DNAL1: variants seen among roughly 807,000 people sequenced by gnomAD.
The protein encoded by DNAL1 is dynein axonemal light chain 1, also known as chromosome 14 open reading frame 168.
In DNAL1, 17 loss-of-function variants were observed where a neutral mutation model predicts 29.4. The observed-to-expected ratio is 0.58, with a 90% CI of 0.40 to 0.87. The LOEUF is 0.87. Ranked by LOEUF, DNAL1 falls within the 40% of genes least tolerant of loss-of-function variation. The pLI is 0.00. For missense variants in DNAL1, 188 were observed against 214.1 expected (o/e 0.88, Z 0.76); for synonymous variants, 78 against 76.3 (o/e 1.02, Z -0.12).
chr14:73,696,077 CT>C lies in DNAL1; in HGVS notation c.*144del, dbSNP rs142835284. 242 of 792,256 alleles carry C rather than the reference CT, an allele frequency of 3.1e-4. No individual in the cohort carries two copies. Among genetic ancestry groups the C allele is most frequent in the Middle Eastern group, 3.9e-4 (1 of 2,562 alleles). 49.1% of individuals were successfully genotyped at this position (792,256 alleles called of 1,614,324 possible). On this transcript the variant is annotated 3_prime_UTR_variant, in exon 8 of 8. Transcript: ENST00000553645. ...GATAAAACAGATCACTCATTCTCAT[CT>C]TTTTTTTTCCTTTAACTTATTCAGT...
At chr14:73,679,506 A>G (rs1212769394) in intron 5 of DNAL1, among the ~76,000 whole-genome samples, 1 of 152,194 alleles carries the variant, frequency 6.6e-6, no homozygotes, top group Non-Finnish European at 1.5e-5. Flanking sequence ...AAAGAAGCTA[A>G]TGAAGTAGAG....
intron 5 of DNAL1, among the ~76,000 whole-genome samples, chr14:73,677,269 C>T (rs2140047950): frequency 6.6e-6 from 1 of 151,960 alleles, no homozygotes; most frequent in East Asian, 1.9e-4. Flanking sequence ...CGCGCCCAGC[C>T]AGTAGTATTC....
At chr14:73,672,662 A>G (rs1891644061) in intron 5 of DNAL1, among the ~76,000 whole-genome samples, 1 of 151,792 alleles carries the variant, frequency 6.6e-6, no homozygotes, top group African/African-American at 2.4e-5. Flanking sequence ...GATTAAATAA[A>G]GGAAGTTTCC....
chr14:73,699,690 T>C lies in DNAL1; in HGVS notation c.*3748T>C, dbSNP rs1300147750. 6.6e-6 allele frequency: 1 copy of C among 152,206 alleles called. No individual in the cohort carries two copies. Among genetic ancestry groups the C allele is most frequent in the Non-Finnish European group, 1.5e-5 (1 of 68,036 alleles). 9.4% of individuals were successfully genotyped at this position (152,206 alleles called of 1,614,324 possible). On this transcript the variant is annotated 3_prime_UTR_variant, in exon 8 of 8. Transcript: ENST00000553645. ...CTCTTTTTTGAAGCAGGGTCTCAAC[T>C]TTTATTTCTAAGCATTCTTGCTTAT...
At chr14:73,695,036 G>A (rs1275913220) in intron 7 of DNAL1, among the ~76,000 whole-genome samples, 1 of 134,320 alleles carries the variant, frequency 7.4e-6, no homozygotes, top group African/African-American at 2.7e-5. Flanking sequence ...TTTTCTACTT[G>A]GTACTTGTTG....
chr14:73,685,331 T>C (rs1265574330), intron 5 of DNAL1, among the ~76,000 whole-genome samples: 2 of 152,206 alleles, frequency 1.3e-5, no homozygotes, highest in Non-Finnish European at 2.9e-5. Flanking sequence ...CGAATTTAAC[T>C]ACTCTAGGTA....
intron 5 of DNAL1, among the ~76,000 whole-genome samples, chr14:73,674,401 C>A (rs558694229): frequency 6.6e-6 from 1 of 152,116 alleles, no homozygotes; most frequent in Non-Finnish European, 1.5e-5. Context: ...CCTTCTTGAT[C>A]TTTACACCTC....
chr14:73,651,967 T>A (rs1341921325), intron 1 of DNAL1, among the ~76,000 whole-genome samples: 1 of 152,168 alleles, frequency 6.6e-6, no homozygotes, highest in Non-Finnish European at 1.5e-5. Context: ...ATATTTTATT[T>A]TTAAAATCTC....
intron 5 of DNAL1, 70 bp from the exon 6 acceptor site, chr14:73,687,189 A>C: frequency 3.2e-6 from 5 of 1,583,978 alleles, no homozygotes. Flanking sequence ...CATTATGTAT[A>C]TCTTTATAAA....
chr14:73,670,705 ATT>A (rs1374588194), intron 4 of DNAL1, among the ~76,000 whole-genome samples: 5 of 151,322 alleles, frequency 3.3e-5, no homozygotes. Flanking sequence ...AAAGATAGGC[ATT>A]TTATTTTATT....
At chr14:73,652,929 C>A (rs1403689347) in intron 1 of DNAL1, among the ~76,000 whole-genome samples, 1 of 151,952 alleles carries the variant, frequency 6.6e-6, no homozygotes, top group African/African-American at 2.4e-5. Context: ...ACTTTCTAGA[C>A]ATAATGGTAT....
At chr14:73,693,051 G>T (rs1892213609) in intron 7 of DNAL1, among the ~76,000 whole-genome samples, 1 of 152,174 alleles carries the variant, frequency 6.6e-6, no homozygotes, top group South Asian at 2.1e-4. Context: ...GGCAAGGCTG[G>T]TCTTCAACTC....
intron 5 of DNAL1, among the ~76,000 whole-genome samples, chr14:73,674,324 C>A (rs958249841): frequency 1.3e-5 from 2 of 152,186 alleles, no homozygotes; most frequent in African/African-American, 4.8e-5. Flanking sequence ...ATGCGGACCC[C>A]TTCTTAACCC....
Position 73,672,987 on chromosome 14 carries a change from T to C in DNAL1, c.264+1390T>C, listed in dbSNP as rs575719369. ...AGTAGCCAGGATGGTCTCGATCTCC[T>C]GACCTCATGATCCGCCTGCCTCGGC... On this transcript the variant is annotated intron_variant, in intron 5 of 7. Transcript: ENST00000553645. The C allele has an allele frequency of 2.0e-5, 3 of 151,926 alleles. No homozygotes were observed. In the South Asian group the frequency reaches 6.3e-4, roughly 32 times the overall value. 9.4% of individuals were successfully genotyped at this position (151,926 alleles called of 1,614,324 possible).
In DNAL1 at chr14:73,675,185, T is replaced by TTC. The variant is rs150007114; in HGVS notation, c.264+3605_264+3606dup. ...TTATTACCTGAAATTCTTGTTCTTG[T>TTC]TCTCTCTCTCTCTCTCTCACACACA... On this transcript the variant is annotated intron_variant, in intron 5 of 7. Coordinates refer to ENST00000553645, the MANE Select transcript of DNAL1 (RefSeq NM_031427.4). Among the ~76,000 whole-genome samples the TTC allele has an allele frequency of 7.3e-3, 1,099 of 150,172 alleles. 10 individuals are homozygous for TTC. The highest frequency in any genetic ancestry group is 0.024 in the African/African-American group (959 of 40,802).
At chr14:73,649,881 A>T (rs571746355) in intron 1 of DNAL1, among the ~76,000 whole-genome samples, 8 of 152,292 alleles carry the variant, frequency 5.3e-5, no homozygotes, top group African/African-American at 1.7e-4. Flanking sequence ...TTTGCATATA[A>T]CTTACACACA....
chr14:73,682,869 ATTTTTTTTT>A (rs57815202), intron 5 of DNAL1, among the ~76,000 whole-genome samples: 30 of 101,794 alleles, frequency 2.9e-4, no homozygotes, highest in Admixed American at 3.4e-4. Context: ...TTTTATAGTT[ATTTTTTTTT>A]TTTTTTTTTT....
At chr14:73,677,883 TTTGTG>T (rs1891781649) in intron 5 of DNAL1, among the ~76,000 whole-genome samples, 6 of 125,330 alleles carry the variant, frequency 4.8e-5, no homozygotes, top group African/African-American at 1.6e-4. Flanking sequence ...TATATATATA[TTTGTG>T]TGTGTGTGTG....
intron 2 of DNAL1, among the ~76,000 whole-genome samples, chr14:73,656,084 A>G (rs1257336300): frequency 6.6e-6 from 1 of 152,118 alleles, no homozygotes; most frequent in Non-Finnish European, 1.5e-5. Flanking sequence ...TTTGCATAAT[A>G]ATGTACCTTT....
Sources: allele counts gnomAD v4.1 joint callset (sites outside exome capture counted in the v4.1 genomes callset), GRCh38; gene constraint gnomAD v4.1.1; transcripts MANE v1.5; gene names NCBI Gene and HGNC (gene_info 2026-07-23, HGNC 2026-07-21).